Variants in GJA3 observed in about 807,000 individuals in gnomAD.
The protein encoded by GJA3 is gap junction protein alpha 3.
For missense variants in GJA3, 571 were observed against 620.3 expected (o/e 0.92, Z 0.84); for synonymous variants, 297 against 292.6 (o/e 1.02, Z -0.15).
chr13:20,158,912 CAAAAAA>C (rs1159654355), intron 1 of GJA3, among the ~76,000 whole-genome samples: 27 of 54,960 alleles, frequency 4.9e-4, no homozygotes, highest in Admixed American at 2.3e-3. Flanking sequence ...GCAAAACTCT[CAAAAAA>C]AAAAAAAAAA....
intron 1 of GJA3, among the ~76,000 whole-genome samples, chr13:20,148,336 G>A (rs1196426962): frequency 2.1e-5 from 3 of 141,586 alleles, no homozygotes; most frequent in Non-Finnish European, 4.5e-5. Flanking sequence ...ATAGCTCACT[G>A]CAGCCTCAAA....
At chr13:20,157,720 T>C (rs541470107) in intron 1 of GJA3, among the ~76,000 whole-genome samples, 1 of 152,344 alleles carries the variant, frequency 6.6e-6, no homozygotes, top group Admixed American at 6.5e-5. Context: ...GGAATACATA[T>C]GTTTAGAAAT....
intron 1 of GJA3, among the ~76,000 whole-genome samples, chr13:20,144,900 G>T (rs1958833024): frequency 6.6e-6 from 1 of 152,232 alleles, no homozygotes. Context: ...AATATTTCAG[G>T]CTGGGCGCGG....
rs1958793871 is a variant in GJA3 at position 20,139,273 on chromosome 13, C to T, written c.*2708G>A. The T allele has an allele frequency of 6.6e-6, 1 of 151,872 alleles. No individual in the cohort carries two copies. Among genetic ancestry groups the T allele is most frequent in the South Asian group, 2.1e-4 (1 of 4,804 alleles). The allele number at this position is 151,872 out of a possible 1,614,324, so 9.4% of individuals were successfully genotyped here. A position where few individuals can be genotyped will look rare whatever the true frequency, so the allele number is the denominator to read the frequency against. ...AAAAACCATGTATGTAAATATAATA[C>T]TCAAATGCTATAGGTATAGCATTTG... On this transcript the variant is annotated 3_prime_UTR_variant, in exon 2 of 2. Coordinates refer to ENST00000241125, the MANE Select transcript of GJA3 (RefSeq NM_021954.4).
intron 1 of GJA3, among the ~76,000 whole-genome samples, chr13:20,154,011 C>T (rs780973356): frequency 6.6e-6 from 1 of 152,204 alleles, no homozygotes; most frequent in Non-Finnish European, 1.5e-5. Flanking sequence ...CCAATGGCAA[C>T]AGTTCTAGAT....
chr13:20,158,931 A>AAAAAAAAAAAG (rs1555340275), intron 1 of GJA3, among the ~76,000 whole-genome samples: 5 of 148,830 alleles, frequency 3.4e-5, no homozygotes, highest in African/African-American at 1.3e-4. Context: ...AAAAAAAAAA[A>AAAAAAAAAAAG]AAAAAGAAAA....
intron 1 of GJA3, among the ~76,000 whole-genome samples, chr13:20,158,214 A>G (rs1958916796): frequency 6.6e-6 from 1 of 152,180 alleles, no homozygotes; most frequent in Non-Finnish European, 1.5e-5. Flanking sequence ...CCTGATAATT[A>G]TGGTATTTTA....
chr13:20,147,198 C>T (rs1386920485), intron 1 of GJA3, among the ~76,000 whole-genome samples: 1 of 152,196 alleles, frequency 6.6e-6, no homozygotes, highest in African/African-American at 2.4e-5. Context: ...AATCAATAAG[C>T]ACAGGGGATT....
At chr13:20,146,090 G>A (rs1201517334) in intron 1 of GJA3, among the ~76,000 whole-genome samples, 4 of 152,196 alleles carry the variant, frequency 2.6e-5, no homozygotes, top group Non-Finnish European at 4.4e-5. Flanking sequence ...AGGAAAGGCC[G>A]CTGTGGGTAG....
chr13:20,157,563 C>G (rs1958913379), intron 1 of GJA3, among the ~76,000 whole-genome samples: 1 of 152,214 alleles, frequency 6.6e-6, no homozygotes, highest in African/African-American at 2.4e-5. Context: ...AGTGCTGACA[C>G]CAGCACAGAA....
chr13:20,159,483 A>G (rs893988249), intron 1 of GJA3, among the ~76,000 whole-genome samples: 14 of 141,268 alleles, frequency 9.9e-5, no homozygotes, highest in African/African-American at 3.5e-4. Context: ...AAAAAAAAAA[A>G]AAAGGCTGCG....
In GJA3 at chr13:20,142,134, G is replaced by T. The variant is rs1958811192; in HGVS notation, c.1155C>A (p.Ser385Arg). Residue 385 changes from serine to arginine, a missense_variant, in exon 2 of 2, where the codon AGC becomes AGA. By Grantham distance (110) the Ser-to-Arg change is moderately radical. Coordinates refer to ENST00000241125, the MANE Select transcript of GJA3 (RefSeq NM_021954.4). Reference sequence around the variant, plus strand: ...CCTCCTCGGGGGTCCCTGCCAGGGCGCTCCCCTCCAGACTGCTGCCGCTCC... The same window carrying T: ...CCTCCTCGGGGGTCCCTGCCAGGGCTCTCCCCTCCAGACTGCTGCCGCTCC... ...LDGSGSSLEGSALAGTPEEEE... is the reference protein window; with the variant it reads ...LDGSGSSLEGRALAGTPEEEE... The T allele has an allele frequency of 1.9e-6, 3 of 1,541,182 alleles. No individual in the cohort carries two copies. The highest frequency in any genetic ancestry group is 2.6e-6 in the Non-Finnish European group (3 of 1,144,220).
chr13:20,147,979 G>A (rs1197101186), intron 1 of GJA3, among the ~76,000 whole-genome samples: 1 of 152,084 alleles, frequency 6.6e-6, no homozygotes, highest in East Asian at 1.9e-4. Context: ...CTCTAAGTGA[G>A]CAAGGGCAAG....
intron 1 of GJA3, among the ~76,000 whole-genome samples, chr13:20,146,596 C>T (rs949563502): frequency 1.3e-5 from 2 of 152,246 alleles, no homozygotes; most frequent in African/African-American, 4.8e-5. Context: ...GGGGCCAAGG[C>T]TGTGTCCCAG....
At chr13:20,154,468 G>A (rs1958897076) in intron 1 of GJA3, among the ~76,000 whole-genome samples, 1 of 152,150 alleles carries the variant, frequency 6.6e-6, no homozygotes, top group East Asian at 1.9e-4. Flanking sequence ...AGATTCTTTT[G>A]GATTTTCTGT....
chr13:20,161,449 C>G (rs1170193856), upstream of GJA3, among the ~76,000 whole-genome samples: 1 of 152,154 alleles, frequency 6.6e-6, no homozygotes, highest in Non-Finnish European at 1.5e-5. Flanking sequence ...TCCTGGGCTT[C>G]GCAGGCCCGG....
intron 1 of GJA3, among the ~76,000 whole-genome samples, chr13:20,159,708 G>T (rs1188088905): frequency 2.0e-5 from 3 of 152,104 alleles, no homozygotes; most frequent in Non-Finnish European, 4.4e-5. Flanking sequence ...TGATTTGTTA[G>T]AGTAGTACCG....
In GJA3 at chr13:20,142,306, C is replaced by T. The variant is rs757015149; in HGVS notation, c.983G>A (p.Trp328Ter). ...CTGCCGCTCGGCCGCCTGGTTGGCC[C>T]AGTTCTGCTCAGTCATCAGCAGGTG... ...HHHLLMTEQN[W>*]ANQAAERQPP... The change falls in exon 2 of 2, where the codon TGG becomes TAG. Residue 328 changes from tryptophan to a stop codon, truncating the protein, a stop_gained. Coordinates refer to ENST00000241125, the MANE Select transcript of GJA3 (RefSeq NM_021954.4). LOFTEE classifies it low-confidence loss of function (END_TRUNC). 1.9e-6 allele frequency: 3 copies of T among 1,573,684 alleles called. No homozygotes were observed. The highest frequency in any genetic ancestry group is 2.6e-6 in the Non-Finnish European group (3 of 1,160,750).
Position 20,140,757 on chromosome 13 carries a change from A to T in GJA3, c.*1224T>A, listed in dbSNP as rs544228145. The T allele has an allele frequency of 3.3e-5, 5 of 152,326 alleles. No individual in the cohort carries two copies. In the East Asian group the frequency reaches 9.6e-4, roughly 29 times the overall value. 9.4% of individuals were successfully genotyped at this position (152,326 alleles called of 1,614,324 possible). A position where few individuals can be genotyped will look rare whatever the true frequency, so the allele number is the denominator to read the frequency against. On this transcript the variant is annotated 3_prime_UTR_variant, in exon 2 of 2. Transcript: ENST00000241125. ...CCCAGGCAGGGATCCCCAGACACTT[A>T]TATTATTTACACTGGAGAAAGCAAA... is the stretch of plus-strand genomic sequence containing the variant.
Sources: allele counts gnomAD v4.1 joint callset (sites outside exome capture counted in the v4.1 genomes callset), GRCh38; gene constraint gnomAD v4.1.1; transcripts MANE v1.5; gene names NCBI Gene and HGNC (gene_info 2026-07-23, HGNC 2026-07-21).